Variants in RSU1 observed in about 807,000 individuals in gnomAD.
RSU1 encodes the protein rsu-1.
Under a neutral mutation model 31.1 loss-of-function variants are expected in RSU1, and 26 were observed. The ratio of observed to expected loss-of-function variants is 0.84; its 90% CI spans 0.61 to 1.16. RSU1 has a LOEUF of 1.16. Ranked by LOEUF, RSU1 falls within the 50% of genes most tolerant of loss-of-function variation. The pLI is 0.00. For synonymous variants in RSU1, 164 were observed against 136.3 expected, an observed-to-expected ratio of 1.20 and a Z score of -1.41; for missense variants, 320 against 339.1, an observed-to-expected ratio of 0.94 and a Z score of 0.44.
chr10:16,810,350 C>G (rs879366409), intron 2 of RSU1, among the ~76,000 whole-genome samples: 1 of 152,176 alleles, frequency 6.6e-6, no homozygotes, highest in Non-Finnish European at 1.5e-5. Flanking sequence ...CTGCAGGACA[C>G]AGAGTATTTT....
Position 16,743,929 on chromosome 10 carries a change from G to A in RSU1, c.598+8610C>T, listed in dbSNP as rs117555623. Among the ~76,000 whole-genome samples the A allele has an allele frequency of 2.9e-3, 448 of 152,060 alleles. 3 individuals carry two copies. The East Asian group carries it at 0.049, about 17-fold the overall frequency. ...AAGGACGGCCTCAGCTCAGGAGTTC[G>A]AGACCAGCCTGGGCAACGTAGGGAG... On this transcript the variant is annotated intron_variant, in intron 7 of 8. Transcript: ENST00000345264.
In RSU1 at chr10:16,706,632, G is replaced by T. The variant is rs115838096; in HGVS notation, c.599-11477C>A. 2.3e-3 allele frequency among the ~76,000 whole-genome samples: 346 copies of T among 152,070 alleles called. 2 individuals are homozygous for T. The highest frequency in any genetic ancestry group is 8.1e-3 in the African/African-American group (335 of 41,468). ...AGTGGAATTATACATACTTATGGGG[G>T]TACAATTTGATGTTTTGATACCTAT... is the stretch of plus-strand genomic sequence containing the variant. On this transcript the variant is annotated intron_variant, in intron 7 of 8. Transcript: ENST00000345264.
chr10:16,789,429 G>T (rs1479261687), intron 2 of RSU1, among the ~76,000 whole-genome samples: 1 of 152,192 alleles, frequency 6.6e-6, no homozygotes, highest in Admixed American at 6.5e-5. Context: ...AGGGAAGGCA[G>T]TGAAGCTGAA....
intron 7 of RSU1, among the ~76,000 whole-genome samples, chr10:16,745,613 C>T (rs564006828): frequency 6.7e-6 from 1 of 148,920 alleles, no homozygotes; most frequent in Non-Finnish European, 1.5e-5. Flanking sequence ...TTCAGTATCA[C>T]AAGAACGGCA....
intron 7 of RSU1, among the ~76,000 whole-genome samples, chr10:16,731,980 T>G (rs918489556): frequency 6.6e-6 from 1 of 152,214 alleles, no homozygotes; most frequent in African/African-American, 2.4e-5. Flanking sequence ...ATGGCTTTCA[T>G]TGACTTCCTT....
At chr10:16,615,380 A>C (rs1833958364) in intron 8 of RSU1, among the ~76,000 whole-genome samples, 1 of 152,188 alleles carries the variant, frequency 6.6e-6, no homozygotes, top group Admixed American at 6.5e-5. Context: ...AGAGATACAT[A>C]AAACAAGTTC....
At chr10:16,663,743 C>G (rs1258374106) in intron 8 of RSU1, among the ~76,000 whole-genome samples, 2 of 152,216 alleles carry the variant, frequency 1.3e-5, no homozygotes, top group Non-Finnish European at 2.9e-5. Context: ...GCATACCCCA[C>G]AGATCAGTGT....
At chr10:16,795,762 T>G (rs2131665713) in intron 2 of RSU1, among the ~76,000 whole-genome samples, 1 of 152,290 alleles carries the variant, frequency 6.6e-6, no homozygotes, top group East Asian at 1.9e-4. Context: ...TTTGCCAAAG[T>G]TAAGACATGA....
At chr10:16,724,057 C>T (rs1836334679) in intron 7 of RSU1, among the ~76,000 whole-genome samples, 1 of 152,130 alleles carries the variant, frequency 6.6e-6, no homozygotes, top group Non-Finnish European at 1.5e-5. Flanking sequence ...TCTCCTGCCT[C>T]AGCCTCCCCA....
At chr10:16,717,242 C>T (rs1482734482) in intron 7 of RSU1, among the ~76,000 whole-genome samples, 1 of 152,126 alleles carries the variant, frequency 6.6e-6, no homozygotes, top group Non-Finnish European at 1.5e-5. Context: ...ACATTCTCTA[C>T]AGAGGCTGGA....
At chr10:16,742,044 A>T (rs1458025296) in intron 7 of RSU1, among the ~76,000 whole-genome samples, 1 of 152,304 alleles carries the variant, frequency 6.6e-6, no homozygotes, top group East Asian at 1.9e-4. Flanking sequence ...TGGATTCAAT[A>T]GGGGCTGTCC....
chr10:16,676,041 C>T (rs763588063), intron 8 of RSU1, among the ~76,000 whole-genome samples: 9 of 152,092 alleles, frequency 5.9e-5, no homozygotes, highest in Non-Finnish European at 1.3e-4. Flanking sequence ...CATGATGAGC[C>T]AAGAAAAGCC....
chr10:16,718,470 C>G (rs1036330343), intron 7 of RSU1, among the ~76,000 whole-genome samples: 3 of 152,016 alleles, frequency 2.0e-5, no homozygotes, highest in African/African-American at 7.3e-5. Context: ...GTCACAAGGG[C>G]AAAAATTTTT....
chr10:16,658,457 C>A (rs1041245744), intron 8 of RSU1, among the ~76,000 whole-genome samples: 2 of 152,152 alleles, frequency 1.3e-5, no homozygotes, highest in Non-Finnish European at 2.9e-5. Flanking sequence ...GGCACAGGGG[C>A]TCATGCCTGT....
At chr10:16,816,733 A>G (rs557599362) in intron 2 of RSU1, among the ~76,000 whole-genome samples, 3 of 152,374 alleles carry the variant, frequency 2.0e-5, no homozygotes, top group African/African-American at 7.2e-5. Context: ...TACAGCAGAG[A>G]CAACCGATGA....
intron 7 of RSU1, among the ~76,000 whole-genome samples, chr10:16,733,954 C>T (rs564063294): frequency 1.3e-5 from 2 of 152,320 alleles, no homozygotes; most frequent in South Asian, 2.1e-4. Flanking sequence ...CCAAAATGAC[C>T]AAACAATGAA....
chr10:16,668,609 T>C (rs1040982027), intron 8 of RSU1, among the ~76,000 whole-genome samples: 11 of 152,132 alleles, frequency 7.2e-5, no homozygotes, highest in South Asian at 2.1e-4. Flanking sequence ...TGGTTTTTTT[T>C]CCCCCCAAGT....
chr10:16,751,770 G>A (rs1360119972), intron 7 of RSU1, among the ~76,000 whole-genome samples: 2 of 152,194 alleles, frequency 1.3e-5, no homozygotes, highest in Non-Finnish European at 2.9e-5. Flanking sequence ...AATAATCGCA[G>A]TTTGAGAAAA....
intron 4 of RSU1, among the ~76,000 whole-genome samples, chr10:16,760,890 T>C (rs1321121383): frequency 6.6e-6 from 1 of 152,194 alleles, no homozygotes; most frequent in African/African-American, 2.4e-5. Context: ...TATCTGCTAC[T>C]CTGCTATGCA....
Sources: gnomAD v4.1 joint callset for allele counts (sites outside exome capture counted in the v4.1 genomes callset) on GRCh38, gnomAD v4.1.1 for gene constraint, MANE v1.5 for transcripts, NCBI Gene and HGNC (gene_info 2026-07-23, HGNC 2026-07-21) for gene names.